The following MAGI2 variants were observed in gnomAD, a reference collection of about 807,000 sequenced individuals.
MAGI2 encodes membrane-associated guanylate kinase, WW and PDZ domain-containing protein 2.
Under a neutral mutation model 133.3 loss-of-function variants are expected in MAGI2, and 35 were observed. That is an observed-to-expected ratio of 0.26 (90% CI 0.20 to 0.35). The LOEUF (loss-of-function observed/expected upper bound fraction) is 0.35. Ranked by LOEUF, MAGI2 falls within the 10% of genes least tolerant of loss-of-function variation. The probability of loss-of-function intolerance (pLI) is 1.00; values close to 1 mark genes in which losing one functional copy is unlikely to be tolerated. For synonymous variants in MAGI2, 729 were observed against 710.6 expected (o/e 1.03, Z -0.41); for missense variants, 1,636 against 1,863.4 (o/e 0.88, Z 2.25).
intron 6 of MAGI2, among the ~76,000 whole-genome samples, chr7:78,375,132 C>T (rs1412245833): frequency 6.6e-6 from 1 of 152,094 alleles, no homozygotes; most frequent in Admixed American, 6.6e-5. Context: ...GGTGCACCAC[C>T]ATTCCCAGGC....
chr7:79,023,859 T>C (rs532633776), intron 1 of MAGI2, among the ~76,000 whole-genome samples: 1 of 152,258 alleles, frequency 6.6e-6, no homozygotes, highest in East Asian at 1.9e-4. Flanking sequence ...TGGAAAAATA[T>C]TCCATGCTCA....
At chr7:79,036,172 C>T (rs2116859002) in intron 1 of MAGI2, among the ~76,000 whole-genome samples, 1 of 152,328 alleles carries the variant, frequency 6.6e-6, no homozygotes, top group East Asian at 1.9e-4. Context: ...TATAATCCCT[C>T]ACAGTTTCCA....
chr7:79,218,667 T>C (rs966678893), intron 1 of MAGI2, among the ~76,000 whole-genome samples: 9 of 152,136 alleles, frequency 5.9e-5, no homozygotes, highest in Admixed American at 4.6e-4. Flanking sequence ...CATTGTAAGA[T>C]GCTACTCTGT....
intron 2 of MAGI2, among the ~76,000 whole-genome samples, chr7:78,839,251 C>T (rs1456432844): frequency 1.3e-5 from 2 of 152,060 alleles, no homozygotes; most frequent in African/African-American, 4.8e-5. Flanking sequence ...AAATGATTAA[C>T]ATAAAAATGT....
chr7:78,456,850 G>A (rs1370312766), intron 6 of MAGI2: 1 of 152,162 alleles, frequency 6.6e-6, no homozygotes, highest in Non-Finnish European at 1.5e-5. Context: ...TTAAATACTA[G>A]GATGGGTCAT....
chr7:78,280,728 T>C (rs1015567522), intron 9 of MAGI2, among the ~76,000 whole-genome samples: 1 of 151,874 alleles, frequency 6.6e-6, no homozygotes, highest in African/African-American at 2.4e-5. Context: ...ACTCAGACTG[T>C]GGACAGTCAG....
intron 4 of MAGI2, among the ~76,000 whole-genome samples, chr7:78,505,025 A>G (rs1794962641): frequency 6.6e-6 from 1 of 152,172 alleles, no homozygotes; most frequent in Admixed American, 6.5e-5. Context: ...AGGATGTACA[A>G]CAGATTGTCA....
intron 1 of MAGI2, among the ~76,000 whole-genome samples, chr7:79,160,772 T>G (rs2129547709): frequency 6.6e-6 from 1 of 152,144 alleles, no homozygotes; most frequent in South Asian, 2.1e-4. Flanking sequence ...GCAGTTAATA[T>G]GCTTCATATG....
At chr7:78,519,513 T>A (rs1796318246) in intron 4 of MAGI2, among the ~76,000 whole-genome samples, 2 of 152,134 alleles carry the variant, frequency 1.3e-5, no homozygotes, top group African/African-American at 4.8e-5. Flanking sequence ...TCTACTATCA[T>A]CAAGCTGAGG....
At chr7:79,149,228 C>T (rs889369408) in intron 1 of MAGI2, among the ~76,000 whole-genome samples, 1 of 149,674 alleles carries the variant, frequency 6.7e-6, no homozygotes, top group Non-Finnish European at 1.5e-5. Flanking sequence ...CGGTATACTT[C>T]TGGGCATCTT....
chr7:78,811,346 A>C (rs1282882505), intron 2 of MAGI2, among the ~76,000 whole-genome samples: 1 of 152,038 alleles, frequency 6.6e-6, no homozygotes, highest in Non-Finnish European at 1.5e-5. Flanking sequence ...ATAGAGCTAG[A>C]AAGTGACAAA....
chr7:78,560,353 C>T (rs1404908075), intron 3 of MAGI2, among the ~76,000 whole-genome samples: 3 of 152,074 alleles, frequency 2.0e-5, no homozygotes, highest in Admixed American at 1.3e-4. Flanking sequence ...GTGAGAGTTA[C>T]AGATTGGTTT....
chr7:78,818,182 C>T (rs895815331), intron 2 of MAGI2, among the ~76,000 whole-genome samples: 3 of 152,086 alleles, frequency 2.0e-5, no homozygotes, highest in Admixed American at 2.0e-4. Flanking sequence ...CTTTGTGAAG[C>T]TTTGTATTTG....
chr7:78,695,236 A>G (rs1169064472), intron 2 of MAGI2, among the ~76,000 whole-genome samples: 1 of 149,978 alleles, frequency 6.7e-6, no homozygotes, highest in Non-Finnish European at 1.5e-5. Context: ...AAAAAATAAT[A>G]AAGTAAAATA....
chr7:78,996,115 C>T (rs1334967968), intron 2 of MAGI2, among the ~76,000 whole-genome samples: 1 of 152,132 alleles, frequency 6.6e-6, no homozygotes, highest in Non-Finnish European at 1.5e-5. Context: ...TGGAGACCCA[C>T]CAACCATTCT....
chr7:78,613,468 A>C (rs1449396894), intron 3 of MAGI2, among the ~76,000 whole-genome samples: 1 of 152,210 alleles, frequency 6.6e-6, no homozygotes, highest in Non-Finnish European at 1.5e-5. Context: ...AAAATGAAGC[A>C]TTTCCCAGTA....
chr7:78,517,936 T>C (rs940130544), intron 4 of MAGI2: 1 of 151,090 alleles, frequency 6.6e-6, no homozygotes, highest in Middle Eastern at 3.2e-3. Flanking sequence ...TGAGTTTAGA[T>C]AGATAAGGTC....
chr7:78,749,753 A>G (rs1272389021), intron 2 of MAGI2, among the ~76,000 whole-genome samples: 4 of 152,202 alleles, frequency 2.6e-5, no homozygotes, highest in African/African-American at 9.7e-5. Context: ...TGTGCTTTAT[A>G]TAGATGATGC....
chr7:78,510,798 T>G (rs750980385), intron 4 of MAGI2, among the ~76,000 whole-genome samples: 1 of 152,196 alleles, frequency 6.6e-6, no homozygotes, highest in Non-Finnish European at 1.5e-5. Flanking sequence ...GCTACAAACT[T>G]GGCATCACTT....
Sources: allele counts gnomAD v4.1 joint callset (sites outside exome capture counted in the v4.1 genomes callset), GRCh38; gene constraint gnomAD v4.1.1; transcripts MANE v1.5; gene names NCBI Gene and HGNC (gene_info 2026-07-23, HGNC 2026-07-21).